Variants in GALNTL6 observed in about 807,000 individuals in gnomAD.
The protein encoded by GALNTL6 is polypeptide N-acetylgalactosaminyltransferase like 6, also known as polypeptide N-acetylgalactosaminyltransferase-like 6.
In GALNTL6, 46 loss-of-function variants were observed where a neutral mutation model predicts 73.7. The ratio of observed to expected loss-of-function variants is 0.62; its 90% CI spans 0.49 to 0.80. The LOEUF (loss-of-function observed/expected upper bound fraction) is 0.80, where lower values mean the gene tolerates loss of function less well. Ranked by LOEUF, GALNTL6 falls within the 30% of genes least tolerant of loss-of-function variation. GALNTL6 has a pLI of 0.00. For missense variants in GALNTL6, 604 were observed against 755.0 expected, an observed-to-expected ratio of 0.80 and a Z score of 2.34; for synonymous variants, 259 against 263.7, an observed-to-expected ratio of 0.98 and a Z score of 0.17.
At chr4:172,803,401 A>T (rs931906831) in intron 5 of GALNTL6, among the ~76,000 whole-genome samples, 4 of 152,220 alleles carry the variant, frequency 2.6e-5, no homozygotes, top group African/African-American at 9.6e-5. Context: ...TGAGAATCTA[A>T]TGCCTGGTGA....
intron 4 of GALNTL6, among the ~76,000 whole-genome samples, chr4:172,340,827 C>T (rs1241221781): frequency 1.3e-5 from 2 of 152,122 alleles, no homozygotes; most frequent in African/African-American, 2.4e-5. Flanking sequence ...TCCTCTAATC[C>T]ATTCTTGGGT....
At chr4:172,052,724 C>A (rs997327009) in intron 2 of GALNTL6, among the ~76,000 whole-genome samples, 6 of 152,086 alleles carry the variant, frequency 3.9e-5, no homozygotes. Flanking sequence ...ATTGATTCAA[C>A]CTGACTTCCT....
intron 3 of GALNTL6, among the ~76,000 whole-genome samples, chr4:172,244,343 TTAAAA>T (rs1364450645): frequency 2.0e-5 from 3 of 152,076 alleles, no homozygotes; most frequent in Admixed American, 6.6e-5. Context: ...CCCTTCAATC[TTAAAA>T]TAAAAACAGC....
intron 3 of GALNTL6, among the ~76,000 whole-genome samples, chr4:172,305,940 A>G (rs1409077513): frequency 6.6e-6 from 1 of 152,140 alleles, no homozygotes; most frequent in Non-Finnish European, 1.5e-5. Context: ...TAATTGACAG[A>G]TGGTCTAATG....
intron 5 of GALNTL6, among the ~76,000 whole-genome samples, chr4:172,482,224 A>G (rs1406625791): frequency 6.6e-6 from 1 of 152,170 alleles, no homozygotes; most frequent in African/African-American, 2.4e-5. Context: ...GGAGCGCTTC[A>G]TGCAGCCCTG....
intron 2 of GALNTL6, among the ~76,000 whole-genome samples, chr4:172,028,503 T>C (rs150745825): frequency 6.6e-6 from 1 of 152,166 alleles, no homozygotes; most frequent in East Asian, 1.9e-4. Context: ...ATAGGTTGGA[T>C]TCCTACACAA....
At chr4:172,961,531 C>T (rs768701512) in intron 10 of GALNTL6, among the ~76,000 whole-genome samples, 16 of 152,128 alleles carry the variant, frequency 1.1e-4, no homozygotes, top group Non-Finnish European at 1.9e-4. Flanking sequence ...GGCATCCCCA[C>T]GTGATTACAC....
chr4:172,163,614 A>G (rs140403483), intron 2 of GALNTL6, among the ~76,000 whole-genome samples: 183 of 152,120 alleles, frequency 1.2e-3, no homozygotes, highest in African/African-American at 3.7e-3. Flanking sequence ...GTATATTTCT[A>G]GGAAGTATAC....
At chr4:172,093,419 C>A (rs961029543) in intron 2 of GALNTL6, among the ~76,000 whole-genome samples, 1 of 152,052 alleles carries the variant, frequency 6.6e-6, no homozygotes, top group African/African-American at 2.4e-5. Flanking sequence ...ATCCTCATAC[C>A]GTATAACATT....
chr4:171,923,387 A>T (rs1578975652), intron 2 of GALNTL6, among the ~76,000 whole-genome samples: 1 of 136,516 alleles, frequency 7.3e-6, no homozygotes, highest in African/African-American at 2.8e-5. Flanking sequence ...ATTTCTGTTG[A>T]CCCTGACTTT....
intron 2 of GALNTL6, among the ~76,000 whole-genome samples, chr4:172,156,555 A>ATAGTATATATG (rs1165079037): frequency 1.5e-5 from 2 of 136,448 alleles, no homozygotes; most frequent in African/African-American, 5.8e-5. Context: ...ATATATATAT[A>ATAGTATATATG]TATATATATA....
intron 2 of GALNTL6, among the ~76,000 whole-genome samples, chr4:172,057,720 AAAAAAAAATATATATATAT>A (rs1414964031): frequency 1.0e-3 from 80 of 77,406 alleles, no homozygotes; most frequent in African/African-American, 3.8e-3. Flanking sequence ...AAAAAAAAAA[AAAAAAAAATATATATATAT>A]ATATATATAT....
chr4:173,024,777 C>T (rs1753165016), intron 12 of GALNTL6, among the ~76,000 whole-genome samples: 1 of 152,140 alleles, frequency 6.6e-6, no homozygotes, highest in South Asian at 2.1e-4. Context: ...CAGGGTTTCA[C>T]CATGTTGACC....
In GALNTL6 at chr4:172,787,128, A is replaced by G. The variant is rs1466313386; in HGVS notation, c.554-22233A>G. On this transcript the variant is annotated intron_variant, in intron 5 of 12. Coordinates refer to ENST00000506823, the MANE Select transcript of GALNTL6 (RefSeq NM_001034845.3). ...AGGGGAAAACACAAAATTCCAGGAAATGCTGCCAAATTGCCCTACCAAGTA... is the reference window on the plus strand; with the variant it reads ...AGGGGAAAACACAAAATTCCAGGAAGTGCTGCCAAATTGCCCTACCAAGTA... Among the ~76,000 whole-genome samples the G allele has an allele frequency of 1.3e-5, 2 of 152,202 alleles. 1 individual carries two copies. The highest frequency in any genetic ancestry group is 1.3e-4 in the Admixed American group (2 of 15,288).
intron 5 of GALNTL6, among the ~76,000 whole-genome samples, chr4:172,414,548 C>T (rs1399965041): frequency 6.6e-6 from 1 of 152,114 alleles, no homozygotes; most frequent in Non-Finnish European, 1.5e-5. Context: ...ACACGATGAT[C>T]TGTAGGTTTA....
chr4:171,899,794 C>T (rs1288593469), intron 2 of GALNTL6, among the ~76,000 whole-genome samples: 1 of 152,112 alleles, frequency 6.6e-6, no homozygotes, highest in Non-Finnish European at 1.5e-5. Context: ...GTGCTAAAAA[C>T]CATTTCACTT....
intron 2 of GALNTL6, among the ~76,000 whole-genome samples, chr4:172,167,616 A>C (rs181815155): frequency 2.6e-5 from 4 of 152,380 alleles, no homozygotes; most frequent in Non-Finnish European, 5.9e-5. Context: ...AATTATATTT[A>C]TTTTTAGTAA....
At chr4:171,920,662 A>G (rs1365232433) in intron 2 of GALNTL6, among the ~76,000 whole-genome samples, 2 of 152,130 alleles carry the variant, frequency 1.3e-5, no homozygotes, top group Admixed American at 6.6e-5. Flanking sequence ...CAATAAAAAT[A>G]CAAACAAATA....
chr4:172,164,175 AT>A (rs755787156), intron 2 of GALNTL6, among the ~76,000 whole-genome samples: 3 of 152,002 alleles, frequency 2.0e-5, no homozygotes, highest in African/African-American at 4.8e-5. Flanking sequence ...GTATAAAAGT[AT>A]TTTTACTCGT....
Sources: gnomAD v4.1 joint callset for allele counts (sites outside exome capture counted in the v4.1 genomes callset) on GRCh38, gnomAD v4.1.1 for gene constraint, MANE v1.5 for transcripts, NCBI Gene and HGNC (gene_info 2026-07-23, HGNC 2026-07-21) for gene names.